Variants in CADM2 observed in about 807,000 individuals in gnomAD.
The protein encoded by CADM2 is immunoglobulin superfamily member 4D.
Under a neutral mutation model 49.8 loss-of-function variants are expected in CADM2, and 12 were observed. The ratio of observed to expected loss-of-function variants is 0.24; its 90% CI spans 0.15 to 0.39. CADM2 has a LOEUF of 0.39. CADM2 is among the 10% of genes least tolerant of loss of function. The pLI is 1.00. For synonymous variants in CADM2, 214 were observed against 175.4 expected (o/e 1.22, Z -1.74); for missense variants, 378 against 492.3 (o/e 0.77, Z 2.20).
chr3:85,155,485 A>G (rs551082353), intron 1 of CADM2, among the ~76,000 whole-genome samples: 1 of 152,244 alleles, frequency 6.6e-6, no homozygotes, highest in African/African-American at 2.4e-5. Flanking sequence ...CCACACATTA[A>G]TAATGGGAGA....
intron 5 of CADM2, among the ~76,000 whole-genome samples, chr3:85,906,885 A>G (rs542005971): frequency 1.3e-5 from 2 of 152,228 alleles, no homozygotes; most frequent in Non-Finnish European, 2.9e-5. Context: ...ACAAAAAAGT[A>G]TTGACATTTC....
At chr3:85,066,993 A>G (rs777180387) in intron 1 of CADM2, among the ~76,000 whole-genome samples, 3 of 152,018 alleles carry the variant, frequency 2.0e-5, no homozygotes, top group Non-Finnish European at 4.4e-5. Flanking sequence ...ACAGGGCTAT[A>G]TTTGTATCAT....
At chr3:85,565,152 C>T (rs1195106990) in intron 1 of CADM2, among the ~76,000 whole-genome samples, 1 of 151,928 alleles carries the variant, frequency 6.6e-6, no homozygotes, top group Non-Finnish European at 1.5e-5. Context: ...CATTGAATAG[C>T]ATTGTTTATA....
At chr3:85,502,011 G>GA (rs2040138831) in intron 1 of CADM2, among the ~76,000 whole-genome samples, 2 of 152,050 alleles carry the variant, frequency 1.3e-5, no homozygotes, top group African/African-American at 4.8e-5. Flanking sequence ...TTTAAACGCT[G>GA]AAAAAATGCA....
chr3:85,463,865 T>G (rs1251492282), intron 1 of CADM2, among the ~76,000 whole-genome samples: 1 of 152,178 alleles, frequency 6.6e-6, no homozygotes, highest in Non-Finnish European at 1.5e-5. Flanking sequence ...AGTTTCACAA[T>G]TGCAATACGT....
intron 1 of CADM2, among the ~76,000 whole-genome samples, chr3:85,062,521 A>G (rs950230995): frequency 1.3e-5 from 2 of 152,086 alleles, no homozygotes; most frequent in South Asian, 2.1e-4. Flanking sequence ...AATAAAAACC[A>G]AATAATAATT....
chr3:85,647,226 A>G (rs1348972393), intron 1 of CADM2, among the ~76,000 whole-genome samples: 1 of 151,872 alleles, frequency 6.6e-6, no homozygotes, highest in Non-Finnish European at 1.5e-5. Flanking sequence ...TGTAATATTT[A>G]TTCAAATTTA....
At chr3:85,528,318 A>T (rs1398595608) in intron 1 of CADM2, among the ~76,000 whole-genome samples, 1 of 109,324 alleles carries the variant, frequency 9.1e-6, no homozygotes, top group Non-Finnish European at 2.2e-5. Flanking sequence ...AAACATCAGC[A>T]TACTCACGCA....
Position 84,959,495 on chromosome 3 carries a change from G to A in CADM2, c.-113G>A. On this transcript the variant is annotated 5_prime_UTR_variant, in exon 1 of 10. Transcript: ENST00000383699. ...CGAACACCGCAGCGGTGGGGACGGT[G>A]GGTCCGGCGGGCGCCGGGAGGAGGA... is the stretch of plus-strand genomic sequence containing the variant. The A allele has an allele frequency of 9.7e-7, 1 of 1,027,250 alleles. No individual in the cohort carries two copies. The highest frequency in any genetic ancestry group is 1.4e-6 in the Non-Finnish European group (1 of 699,778). 63.6% of individuals were successfully genotyped at this position (1,027,250 alleles called of 1,614,324 possible). A position where few individuals can be genotyped will look rare whatever the true frequency, so the allele number is the denominator to read the frequency against.
chr3:85,961,013 T>TA (rs71617954), intron 7 of CADM2, among the ~76,000 whole-genome samples: 7 of 146,848 alleles, frequency 4.8e-5, no homozygotes, highest in Admixed American at 2.1e-4. Context: ...TTCATTATTA[T>TA]TATATATATT....
chr3:85,106,360 A>G (rs2107557187), intron 1 of CADM2, among the ~76,000 whole-genome samples: 1 of 152,286 alleles, frequency 6.6e-6, no homozygotes, highest in Admixed American at 6.5e-5. Flanking sequence ...GCAAATAGCT[A>G]AGGAGGAACA....
intron 1 of CADM2, among the ~76,000 whole-genome samples, chr3:85,445,730 C>A (rs1334654481): frequency 6.6e-6 from 1 of 152,014 alleles, no homozygotes; most frequent in South Asian, 2.1e-4. Flanking sequence ...GATTACTCTG[C>A]AATTTGATAA....
At chr3:85,471,795 GA>G (rs1158470028) in intron 1 of CADM2, among the ~76,000 whole-genome samples, 2 of 149,164 alleles carry the variant, frequency 1.3e-5, no homozygotes, top group Admixed American at 6.8e-5. Flanking sequence ...ACTGACAGTG[GA>G]AAAATACAAA....
rs1357739759 is a variant in CADM2, at chr3:85,427,173, T to C, written c.62-299349T>C. Reference sequence around the variant, plus strand: ...GATGTATTGGAACTATATATATATATATATATATATATATATATATATATA... The same window carrying C: ...GATGTATTGGAACTATATATATATACATATATATATATATATATATATATA... On this transcript the variant is annotated intron_variant, in intron 1 of 9. Coordinates refer to ENST00000383699, the MANE Select transcript of CADM2 (RefSeq NM_001167675.2). Among the ~76,000 whole-genome samples, 7 of 40,350 alleles carry C rather than the reference T, an allele frequency of 1.7e-4. No homozygotes were observed. In the Admixed American group the frequency reaches 3.1e-3, roughly 18 times the overall value. 26.5% of individuals were successfully genotyped at this position (40,350 alleles called of 152,430 possible).
chr3:85,897,363 G>A (rs1410041501), intron 5 of CADM2, among the ~76,000 whole-genome samples: 1 of 138,268 alleles, frequency 7.2e-6, no homozygotes, highest in Non-Finnish European at 1.5e-5. Context: ...TCCGCTTCCC[G>A]GGTTCACGCC....
intron 1 of CADM2, among the ~76,000 whole-genome samples, chr3:85,713,503 A>G (rs531359053): frequency 6.6e-6 from 1 of 152,216 alleles, no homozygotes; most frequent in East Asian, 1.9e-4. Flanking sequence ...ATATATAGAA[A>G]CATGAAATAG....
intron 5 of CADM2, among the ~76,000 whole-genome samples, chr3:85,887,321 G>T (rs568913817): frequency 3.9e-5 from 6 of 152,138 alleles, no homozygotes; most frequent in African/African-American, 1.4e-4. Flanking sequence ...GGGCTAAAGT[G>T]ACCCTCCTGC....
intron 2 of CADM2, among the ~76,000 whole-genome samples, chr3:85,760,538 T>C (rs1356996520): frequency 6.6e-6 from 1 of 152,144 alleles, no homozygotes; most frequent in Admixed American, 6.5e-5. Flanking sequence ...ATAGTTCTAG[T>C]ATGGAACTTC....
intron 1 of CADM2, among the ~76,000 whole-genome samples, chr3:85,085,262 C>G (rs958830797): frequency 8.5e-5 from 13 of 152,198 alleles, no homozygotes; most frequent in Admixed American, 2.0e-4. Flanking sequence ...CTTTCTGCTT[C>G]TATGAGTTGG....
Sources: allele counts gnomAD v4.1 joint callset (sites outside exome capture counted in the v4.1 genomes callset), GRCh38; gene constraint gnomAD v4.1.1; transcripts MANE v1.5; gene names NCBI Gene and HGNC (gene_info 2026-07-23, HGNC 2026-07-21).